TMTC2: variants seen among roughly 807,000 people sequenced by gnomAD.
TMTC2 encodes protein O-mannosyl-transferase TMTC2.
TMTC2 carries 43 observed loss-of-function variants against 82.4 expected under a neutral mutation model. The observed-to-expected ratio is 0.52, with a 90% CI of 0.41 to 0.67. The LOEUF (loss-of-function observed/expected upper bound fraction) is 0.67. TMTC2 is among the 30% of genes least tolerant of loss of function. The pLI, the probability that TMTC2 is intolerant of heterozygous loss-of-function variation, is 0.00. For missense variants in TMTC2, 919 were observed against 1,012.4 expected (o/e 0.91, Z 1.25); for synonymous variants, 408 against 381.9 (o/e 1.07, Z -0.80).
intron 1 of TMTC2, among the ~76,000 whole-genome samples, chr12:82,722,283 G>A (rs141602391): frequency 2.6e-5 from 4 of 151,810 alleles, no homozygotes; most frequent in Admixed American, 6.6e-5. Context: ...GGTTGGGCGC[G>A]GTGGCTCACT....
Position 83,095,098 on chromosome 12 carries a change from TC to T in TMTC2, c.2331+33268del, listed in dbSNP as rs201610247. ...TTGGGGAAGCTTACAAGGGAATTATTCAAGAGGTTGGAGAATTGTGTGTGTG... is the reference window on the plus strand; with the variant it reads ...TTGGGGAAGCTTACAAGGGAATTATTAAGAGGTTGGAGAATTGTGTGTGTG... On this transcript the variant is annotated intron_variant, in intron 11 of 11. Transcript: ENST00000321196. Among the ~76,000 whole-genome samples the T allele has an allele frequency of 7.4e-4, 112 of 152,294 alleles. 1 individual carries two copies. The East Asian group carries it at 0.02, about 27-fold the overall frequency.
chr12:82,958,711 C>A (rs1444822497), intron 4 of TMTC2, among the ~76,000 whole-genome samples: 1 of 151,966 alleles, frequency 6.6e-6, no homozygotes, highest in Non-Finnish European at 1.5e-5. Flanking sequence ...TTTGACACAC[C>A]CACAGCCAAC....
chr12:82,910,650 C>T (rs78129560), intron 3 of TMTC2, among the ~76,000 whole-genome samples: 10,122 of 152,220 alleles, frequency 0.066, 488 homozygotes, highest in Non-Finnish European at 0.1. Flanking sequence ...TCTTAGCAGA[C>T]GGAGGGCCAG....
At chr12:82,943,547 T>C (rs1206495538) in intron 4 of TMTC2, among the ~76,000 whole-genome samples, 1 of 152,226 alleles carries the variant, frequency 6.6e-6, no homozygotes, top group African/African-American at 2.4e-5. Context: ...TTTGCACTCC[T>C]GTTCTCTGAT....
At chr12:82,917,267 C>CT (rs1592625668) in intron 3 of TMTC2, among the ~76,000 whole-genome samples, 1 of 151,718 alleles carries the variant, frequency 6.6e-6, no homozygotes, top group Non-Finnish European at 1.5e-5. Context: ...TCTTTTTTTC[C>CT]TTTTTTTCTC....
At chr12:83,015,078 C>T (rs1008126663) in intron 8 of TMTC2, among the ~76,000 whole-genome samples, 6 of 152,162 alleles carry the variant, frequency 3.9e-5, no homozygotes, top group African/African-American at 9.7e-5. Flanking sequence ...CTCTATGTGA[C>T]TGCTTCTCTT....
intron 8 of TMTC2, among the ~76,000 whole-genome samples, chr12:82,994,297 G>A (rs1033093347): frequency 6.6e-6 from 1 of 152,122 alleles, no homozygotes; most frequent in African/African-American, 2.4e-5. Flanking sequence ...GGGACTACAG[G>A]TGCCCGCTAC....
intron 11 of TMTC2, among the ~76,000 whole-genome samples, chr12:83,112,314 C>A (rs1884625331): frequency 6.6e-6 from 1 of 152,212 alleles, no homozygotes. Flanking sequence ...TAGCCACGTG[C>A]ATCCCCGCAT....
At chr12:82,971,718 G>A (rs1410336477) in intron 7 of TMTC2, among the ~76,000 whole-genome samples, 1 of 151,822 alleles carries the variant, frequency 6.6e-6, no homozygotes, top group African/African-American at 2.4e-5. Context: ...GAGAACAAAA[G>A]GGCATAATGT....
intron 2 of TMTC2, among the ~76,000 whole-genome samples, chr12:82,882,384 C>A (rs990801128): frequency 3.3e-5 from 5 of 152,138 alleles, no homozygotes; most frequent in African/African-American, 7.2e-5. Context: ...TCAAAGGGAG[C>A]AAACTAAATA....
At chr12:82,954,082 C>T (rs1164520703) in intron 4 of TMTC2, among the ~76,000 whole-genome samples, 2 of 151,658 alleles carry the variant, frequency 1.3e-5, no homozygotes, top group South Asian at 2.1e-4. Flanking sequence ...TAATATAGTC[C>T]TAATTTTCAT....
intron 8 of TMTC2, among the ~76,000 whole-genome samples, chr12:83,028,886 AT>A (rs1170831995): frequency 2.6e-5 from 4 of 152,352 alleles, no homozygotes; most frequent in Middle Eastern, 3.4e-3. Flanking sequence ...TGAAGTTAAA[AT>A]GTGGGAAACA....
At chr12:83,060,550 A>G (rs1326779807) in intron 10 of TMTC2, among the ~76,000 whole-genome samples, 1 of 151,786 alleles carries the variant, frequency 6.6e-6, no homozygotes, top group African/African-American at 2.4e-5. Flanking sequence ...TTTTAACTGC[A>G]GGACCCCCAG....
At chr12:82,863,240 TCTC>T (rs1871641990) in intron 2 of TMTC2, among the ~76,000 whole-genome samples, 1 of 152,166 alleles carries the variant, frequency 6.6e-6, no homozygotes, top group Non-Finnish European at 1.5e-5. Flanking sequence ...CCTGTGCCAC[TCTC>T]CTCCAAGTAG....
intron 4 of TMTC2, among the ~76,000 whole-genome samples, chr12:82,941,799 G>A (rs1876734185): frequency 6.6e-6 from 1 of 152,136 alleles, no homozygotes; most frequent in Non-Finnish European, 1.5e-5. Flanking sequence ...ACACTCTGTT[G>A]CCCAGGCTGG....
intron 1 of TMTC2, among the ~76,000 whole-genome samples, chr12:82,765,397 G>A (rs551754373): frequency 9.2e-5 from 14 of 152,174 alleles, no homozygotes; most frequent in Admixed American, 3.3e-4. Context: ...CTTGCTGGCC[G>A]GGCGCGGCAG....
intron 1 of TMTC2, among the ~76,000 whole-genome samples, chr12:82,772,323 G>A (rs191596743): frequency 1.8e-4 from 28 of 152,320 alleles, no homozygotes; most frequent in Admixed American, 1.8e-3. Context: ...TAAGCTGCAG[G>A]ATCTGGGACT....
At chr12:83,092,175 C>G (rs1025508458) in intron 11 of TMTC2, among the ~76,000 whole-genome samples, 1 of 152,178 alleles carries the variant, frequency 6.6e-6, no homozygotes, top group Non-Finnish European at 1.5e-5. Context: ...CTCCAGGATG[C>G]CATTGTGTTA....
chr12:83,100,357 G>A (rs1884176619), intron 11 of TMTC2, among the ~76,000 whole-genome samples: 1 of 151,722 alleles, frequency 6.6e-6, no homozygotes, highest in Admixed American at 6.6e-5. Context: ...TATTTTCACA[G>A]TTTGTTATTT....
Sources: gnomAD v4.1 joint callset for allele counts (sites outside exome capture counted in the v4.1 genomes callset) on GRCh38, gnomAD v4.1.1 for gene constraint, MANE v1.5 for transcripts, NCBI Gene and HGNC (gene_info 2026-07-23, HGNC 2026-07-21) for gene names.